The following PITPNM2 variants were observed in gnomAD, a reference collection of about 807,000 sequenced individuals.
PITPNM2 encodes membrane-associated phosphatidylinositol transfer protein 2.
Under a neutral mutation model 132.2 loss-of-function variants are expected in PITPNM2, and 35 were observed. That is an observed-to-expected ratio of 0.26 (90% CI 0.20 to 0.35). PITPNM2 has a LOEUF of 0.35. PITPNM2 is among the 10% of genes least tolerant of loss of function. The pLI, the probability that PITPNM2 is intolerant of heterozygous loss-of-function variation, is 1.00. For missense variants in PITPNM2, 1,332 were observed against 1,912.0 expected, an observed-to-expected ratio of 0.70 and a Z score of 5.66; for synonymous variants, 738 against 799.2, an observed-to-expected ratio of 0.92 and a Z score of 1.29.
At chr12:123,038,717 TG>T (rs972105979) in intron 2 of PITPNM2, among the ~76,000 whole-genome samples, 1 of 151,302 alleles carries the variant, frequency 6.6e-6, no homozygotes, top group African/African-American at 2.4e-5. Context: ...CATGTGCCCC[TG>T]GCATGGCCAG....
Position 122,994,016 on chromosome 12 carries a change from A to AG in PITPNM2, c.2233+784dup, listed in dbSNP as rs2038310590. Among the ~76,000 whole-genome samples, 1 of 152,172 alleles carries AG rather than the reference A, an allele frequency of 6.6e-6. No individual in the cohort carries two copies. The highest frequency in any genetic ancestry group is 6.5e-5 in the Admixed American group (1 of 15,268). ...CAGGCTCCCGAGTAGCTGGGATTAC[A>AG]GGCATGTGCTGCCACACCTGGCTAA... is the stretch of plus-strand genomic sequence containing the variant. On this transcript the variant is annotated intron_variant, in intron 15 of 25. Transcript: ENST00000320201. The surrounding 1 kb of genome is among the most constrained non-coding windows in gnomAD (Gnocchi z 5.4).
At chr12:123,068,475 A>G (rs967426596) in intron 2 of PITPNM2, among the ~76,000 whole-genome samples, 6 of 149,780 alleles carry the variant, frequency 4.0e-5, no homozygotes, top group African/African-American at 1.5e-4. Flanking sequence ...ATAAATAAAT[A>G]AATAAATAAA....
At chr12:122,991,080 C>T (rs558586249) in intron 16 of PITPNM2, among the ~76,000 whole-genome samples, 2 of 152,342 alleles carry the variant, frequency 1.3e-5, no homozygotes, top group African/African-American at 2.4e-5. Flanking sequence ...GCAGAAGCAG[C>T]GGCTCCACCC....
intron 2 of PITPNM2, among the ~76,000 whole-genome samples, chr12:123,075,351 C>G (rs2041751474): frequency 6.6e-6 from 1 of 152,258 alleles, no homozygotes; most frequent in South Asian, 2.1e-4. Flanking sequence ...GGCAGATGTT[C>G]TGAGTCCCAG....
Position 123,000,623 on chromosome 12 carries a change from A to ACTC in PITPNM2, c.1224+154_1224+155insGAG. The ACTC allele has an allele frequency of 1.2e-6, 1 of 821,224 alleles. No homozygotes were observed. The highest frequency in any genetic ancestry group is 1.9e-6 in the Non-Finnish European group (1 of 520,534). 50.9% of individuals were successfully genotyped at this position (821,224 alleles called of 1,614,324 possible). A position where few individuals can be genotyped will look rare whatever the true frequency, so the allele number is the denominator to read the frequency against. ...CTTCCTAGCAGGGCAGCAAAAAAGG[A>ACTC]GGCCCAGGCCTCTCCCCAGACAGTA... On this transcript the variant is annotated intron_variant, in intron 10 of 25. Transcript: ENST00000320201. The surrounding 1 kb of genome is among the most constrained non-coding windows in gnomAD (Gnocchi z 5.4).
In PITPNM2 at chr12:123,033,342, G is replaced by T. The variant is rs866662284; in HGVS notation, c.78+1171C>A. On this transcript the variant is annotated intron_variant, in intron 3 of 25. Transcript: ENST00000320201. Reference sequence around the variant, plus strand: ...GGACAGAAGGCCAGCAGGAGAGCTGGGATGGAACCTCTACATAGAAAGGAC... The same window carrying T: ...GGACAGAAGGCCAGCAGGAGAGCTGTGATGGAACCTCTACATAGAAAGGAC... Among the ~76,000 whole-genome samples, 3 of 152,204 alleles carry T rather than the reference G, an allele frequency of 2.0e-5. 1 individual carries two copies. In the East Asian group the frequency reaches 5.8e-4, roughly 29 times the overall value.
At position 123,093,868 on chromosome 12, in the gene PITPNM2, G is replaced by A. The variant is rs575673696; in HGVS notation, c.-96+16517C>T. Among the ~76,000 whole-genome samples the A allele has an allele frequency of 9.2e-5, 14 of 152,378 alleles. No individual in the cohort carries two copies. The South Asian group carries it at 1.4e-3, about 16-fold the overall frequency. On this transcript the variant is annotated intron_variant, in intron 2 of 25. Transcript: ENST00000320201. ...GAGTCTATGGAAGGACACAGAGCCAGGAGGCCTGGGCCAGAGCCCAACACC... is the reference window on the plus strand; with the variant it reads ...GAGTCTATGGAAGGACACAGAGCCAAGAGGCCTGGGCCAGAGCCCAACACC...
intron 1 of PITPNM2, among the ~76,000 whole-genome samples, chr12:123,131,771 CTG>C (rs1213305411): frequency 6.6e-6 from 1 of 152,228 alleles, no homozygotes; most frequent in Admixed American, 6.5e-5. Flanking sequence ...CCCCAGCCAA[CTG>C]TGACTGCTTA....
chr12:122,992,373 G>A lies in PITPNM2; in HGVS notation c.2404+126C>T. Reference sequence around the variant, plus strand: ...ACCCCCAACAGCTGTCCACCTCCAAGAGGCATTCAGCACAAGCTGTCCCTC... The same window carrying A: ...ACCCCCAACAGCTGTCCACCTCCAAAAGGCATTCAGCACAAGCTGTCCCTC... On this transcript the variant is annotated intron_variant, in intron 16 of 25. Transcript: ENST00000320201. The surrounding 1 kb of genome is among the most constrained non-coding windows in gnomAD (Gnocchi z 6.5). 1.0e-6 allele frequency: 1 copy of A among 993,656 alleles called. No individual in the cohort carries two copies. Among genetic ancestry groups the A allele is most frequent in the East Asian group, 2.9e-5 (1 of 34,188 alleles). 61.6% of individuals were successfully genotyped at this position (993,656 alleles called of 1,614,324 possible).
chr12:122,991,836 G>C (rs372485571), intron 16 of PITPNM2: 25 of 1,304,980 alleles, frequency 1.9e-5, no homozygotes, highest in Admixed American at 9.2e-5. Flanking sequence ...CCGTCCCCGT[G>C]GGGGAGAGGG....
At chr12:123,080,844 T>C (rs2041939222) in intron 2 of PITPNM2, among the ~76,000 whole-genome samples, 1 of 152,208 alleles carries the variant, frequency 6.6e-6, no homozygotes. Context: ...CTAGAGATGA[T>C]GCTGGCGCCA....
chr12:123,071,914 G>A (rs1188594662), intron 2 of PITPNM2, among the ~76,000 whole-genome samples: 2 of 152,144 alleles, frequency 1.3e-5, no homozygotes, highest in African/African-American at 2.4e-5. Flanking sequence ...GCCCAGTCCC[G>A]ATCCTTTCCA....
intron 2 of PITPNM2, among the ~76,000 whole-genome samples, 186 bp downstream of exon 2, chr12:123,110,199 C>T (rs1431240516): frequency 6.6e-6 from 1 of 152,170 alleles, no homozygotes; most frequent in Non-Finnish European, 1.5e-5. Context: ...AGTGATCCTC[C>T]TGCCTTAGCC....
At chr12:123,112,172 G>A (rs1408196661) in intron 1 of PITPNM2, among the ~76,000 whole-genome samples, 2 of 152,188 alleles carry the variant, frequency 1.3e-5, no homozygotes, top group Non-Finnish European at 2.9e-5. Flanking sequence ...AGTGAATGCA[G>A]GGTCAGGCTA....
chr12:123,099,209 G>A lies in PITPNM2; in HGVS notation c.-96+11176C>T, dbSNP rs1289547211. ...GGAGGCAACTGATTCCCTCCTTCAC[G>A]CTCACCCAGAACTGTCGATTTTGCT... is the stretch of plus-strand genomic sequence containing the variant. On this transcript the variant is annotated intron_variant, in intron 2 of 25. Coordinates refer to ENST00000320201, the MANE Select transcript of PITPNM2 (RefSeq NM_020845.3). This position sits in a 1 kb window ranked among gnomAD's most constrained non-coding sequence, Gnocchi z 4.2. 2.6e-5 allele frequency among the ~76,000 whole-genome samples: 4 copies of A among 151,490 alleles called. No homozygotes were observed. Among genetic ancestry groups the A allele is most frequent in the Non-Finnish European group, 5.9e-5 (4 of 67,914 alleles).
chr12:122,988,780 G>A lies in PITPNM2; in HGVS notation c.2824C>T (p.Leu942Phe). The A allele has an allele frequency of 6.3e-7, 1 of 1,581,612 alleles. No homozygotes were observed. The highest frequency in any genetic ancestry group is 8.6e-7 in the Non-Finnish European group (1 of 1,163,888). ...GACTCCCAGTAGCTGGCGTGGAAGA[G>A]GTGAGGCAGAGCCACCGTGGGGAAG... ...TAFPTVALPH[L>F]FHASYWESTD... Residue 942 changes from leucine to phenylalanine, a missense_variant, in exon 19 of 26, where the codon CTC becomes TTC. Leu to Phe is a conservative substitution (Grantham distance 22). Transcript: ENST00000320201.
At chr12:123,024,391 T>A (rs1255700271) in intron 3 of PITPNM2, among the ~76,000 whole-genome samples, 1 of 151,930 alleles carries the variant, frequency 6.6e-6, no homozygotes, top group Non-Finnish European at 1.5e-5. Context: ...AAACATAGAG[T>A]TACCATATGA....
intron 8 of PITPNM2, among the ~76,000 whole-genome samples, chr12:123,003,560 T>C (rs2038789074): frequency 6.6e-6 from 1 of 152,214 alleles, no homozygotes; most frequent in African/African-American, 2.4e-5. Flanking sequence ...GCCTGGACAC[T>C]GACTCCCCAG....
intron 2 of PITPNM2, among the ~76,000 whole-genome samples, chr12:123,035,862 A>G (rs1480947341): frequency 6.6e-6 from 1 of 152,130 alleles, no homozygotes; most frequent in East Asian, 1.9e-4. Flanking sequence ...TAAATTTTAC[A>G]TTTATTTATT....
Sources: allele counts gnomAD v4.1 joint callset (sites outside exome capture counted in the v4.1 genomes callset), GRCh38; gene constraint gnomAD v4.1.1; non-coding constraint Gnocchi (gnomAD v3.1); transcripts MANE v1.5; gene names NCBI Gene and HGNC (gene_info 2026-07-23, HGNC 2026-07-21).